The following PSAT1 variants were observed in gnomAD, a reference collection of about 807,000 sequenced individuals.
PSAT1 encodes the protein phosphoserine aminotransferase 1, also known as phosphoserine aminotransferase.
In PSAT1, 41 loss-of-function variants were observed where a neutral mutation model predicts 40.3. The ratio of observed to expected loss-of-function variants is 1.02; its 90% CI spans 0.79 to 1.32. PSAT1 has a LOEUF of 1.32. PSAT1 is among the 40% of genes most tolerant of loss of function. The pLI is 0.00. For missense variants in PSAT1, 406 were observed against 455.8 expected (o/e 0.89, Z 0.99); for synonymous variants, 147 against 170.5 (o/e 0.86, Z 1.07).
intron 7 of PSAT1, among the ~76,000 whole-genome samples, chr9:78,324,118 G>A (rs375271328): frequency 9.2e-5 from 14 of 152,168 alleles, no homozygotes; most frequent in Admixed American, 1.3e-4. Context: ...CGAGGGGACT[G>A]TCTGGAACTC....
chr9:78,313,227 G>T (rs1050663301), intron 6 of PSAT1, among the ~76,000 whole-genome samples: 1 of 152,112 alleles, frequency 6.6e-6, no homozygotes, highest in Non-Finnish European at 1.5e-5. Flanking sequence ...TTACCCGGGC[G>T]TAGTGGCGTG....
rs777406765 is a variant in PSAT1 at position 78,328,118 on chromosome 9, G to C, written c.937G>C (p.Asp313His). The C allele has an allele frequency of 3.1e-6, 5 of 1,612,628 alleles. No individual in the cohort carries two copies. The South Asian group carries it at 5.5e-5, about 18-fold the overall frequency. Reference sequence around the variant, plus strand: ...ATTCCGCATTGGCAATGCCAAAGGAGATGATGCTTTAGAAAAAAGATTTCT... The same window carrying C: ...ATTCCGCATTGGCAATGCCAAAGGACATGATGCTTTAGAAAAAAGATTTCT... ...IPFRIGNAKG[D>H]DALEKRFLDK... The change falls in exon 8 of 9, where the codon GAT becomes CAT. Residue 313 changes from aspartate to histidine, a missense_variant. Coordinates refer to ENST00000376588, the MANE Select transcript of PSAT1 (RefSeq NM_058179.4).
intron 1 of PSAT1, chr9:78,298,184 T>A: frequency 3.5e-6 from 1 of 286,582 alleles, no homozygotes; most frequent in Non-Finnish European, 4.9e-6. Flanking sequence ...AAACCCACCG[T>A]CCCCAGCCCC....
chr9:78,321,698 T>A (rs940840269), intron 7 of PSAT1, among the ~76,000 whole-genome samples: 1 of 152,108 alleles, frequency 6.6e-6, no homozygotes, highest in Non-Finnish European at 1.5e-5. Context: ...CATAGCCCAG[T>A]CACCCACACT....
In PSAT1 at chr9:78,320,179, A is replaced by G. The variant is rs533030887; in HGVS notation, c.869+2375A>G. On this transcript the variant is annotated intron_variant, in intron 7 of 8. Transcript: ENST00000376588. Reference sequence around the variant, plus strand: ...CATCCTTCCACCCACCTATTCACCCATCTACCCATTCACCCATCCACCCAT... The same window carrying G: ...CATCCTTCCACCCACCTATTCACCCGTCTACCCATTCACCCATCCACCCAT... 1.6e-4 allele frequency among the ~76,000 whole-genome samples: 24 copies of G among 150,904 alleles called. No homozygotes were observed. The South Asian group carries it at 5.1e-3, about 32-fold the overall frequency.
At chr9:78,312,361 T>C (rs1012779340) in intron 6 of PSAT1, among the ~76,000 whole-genome samples, 1 of 152,148 alleles carries the variant, frequency 6.6e-6, no homozygotes, top group African/African-American at 2.4e-5. Context: ...CTAATAAAAA[T>C]ACAAAACAAA....
At chr9:78,325,845 C>T (rs1279865828) in intron 7 of PSAT1, among the ~76,000 whole-genome samples, 1 of 152,126 alleles carries the variant, frequency 6.6e-6, no homozygotes, top group Non-Finnish European at 1.5e-5. Flanking sequence ...TTTGTGATAT[C>T]TTCTACTTTC....
chr9:78,299,514 C>CT (rs57722137), intron 1 of PSAT1, among the ~76,000 whole-genome samples: 4,637 of 118,428 alleles, frequency 0.039, 226 homozygotes, highest in Non-Finnish European at 0.054. Flanking sequence ...TAATCTAATT[C>CT]TTTTTTTTTT....
At chr9:78,312,566 C>T (rs1281166491) in intron 6 of PSAT1, among the ~76,000 whole-genome samples, 1 of 152,036 alleles carries the variant, frequency 6.6e-6, no homozygotes, top group African/African-American at 2.4e-5. Flanking sequence ...CATGGTGGCA[C>T]ATGCCTGTAA....
chr9:78,318,959 T>C, intron 7 of PSAT1, among the ~76,000 whole-genome samples: 1 of 152,324 alleles, frequency 6.6e-6, no homozygotes. Context: ...CTTAAGGTGG[T>C]TACAGGTATA....
intron 7 of PSAT1, among the ~76,000 whole-genome samples, chr9:78,326,388 A>G (rs1828497623): frequency 1.3e-5 from 2 of 152,092 alleles, no homozygotes; most frequent in Non-Finnish European, 2.9e-5. Context: ...CCAGTGAAAA[A>G]TAATTTTGGC....
At chr9:78,312,005 T>A (rs1828275498) in intron 6 of PSAT1, among the ~76,000 whole-genome samples, 1 of 151,420 alleles carries the variant, frequency 6.6e-6, no homozygotes, top group African/African-American at 2.4e-5. Flanking sequence ...GAACTTTGTA[T>A]CACATAGTAG....
rs1182144804 is a variant in PSAT1, at chr9:78,317,775, G to T, written c.840G>T (p.Glu280Asp). The T allele has an allele frequency of 1.9e-6, 3 of 1,613,188 alleles. No homozygotes were observed. The change falls in exon 7 of 9, where the codon GAG (glutamate) becomes GAT (aspartate). Residue 280 changes from glutamate to aspartate, a missense_variant. Transcript: ENST00000376588. ...LSSIKSQTIY[E>D]IIDNSQGFYV... ...CCATCAAATCTCAAACAATTTATGAGATTATTGATAATTCTCAAGGATTCT... is the reference window on the plus strand; with the variant it reads ...CCATCAAATCTCAAACAATTTATGATATTATTGATAATTCTCAAGGATTCT...
rs180707620 is a variant in PSAT1 at position 78,300,603 on chromosome 9, T to A, written c.62T>A (p.Val21Glu). The A allele has an allele frequency of 6.2e-7, 1 of 1,609,904 alleles. No individual in the cohort carries two copies. Residue 21 changes from valine (V) to glutamate (E), a missense_variant and splice_region_variant, in exon 2 of 9, where the codon GTG becomes GAG. Transcript: ENST00000376588. ...GPGPAKLPHS[V>E]LLEIQKELLD... ...CTATTTTCCTTTATTTTTTTCTAGG[T>A]GTTGTTAGAGATACAAAAGGAATTA...
chr9:78,318,461 T>A (rs1828380543), intron 7 of PSAT1, among the ~76,000 whole-genome samples: 1 of 152,196 alleles, frequency 6.6e-6, no homozygotes, highest in African/African-American at 2.4e-5. Flanking sequence ...ACTTAGTGGC[T>A]CAAAACATCA....
chr9:78,325,742 C>T (rs1445527772), intron 7 of PSAT1, among the ~76,000 whole-genome samples: 1 of 152,212 alleles, frequency 6.6e-6, no homozygotes, highest in Non-Finnish European at 1.5e-5. Context: ...CTCCCCCCAG[C>T]CCCATACTAG....
chr9:78,321,540 C>A (rs192544172), intron 7 of PSAT1, among the ~76,000 whole-genome samples: 14 of 152,326 alleles, frequency 9.2e-5, no homozygotes, highest in African/African-American at 3.4e-4. Flanking sequence ...GATGCACCCC[C>A]TCCCCACTTC....
At chr9:78,299,582 G>A (rs139726707) in intron 1 of PSAT1, among the ~76,000 whole-genome samples, 8 of 137,880 alleles carry the variant, frequency 5.8e-5, no homozygotes, top group Admixed American at 2.5e-4. Flanking sequence ...GCTTGGTCTC[G>A]GCTCACTGAA....
At chr9:78,313,749 A>G (rs1287602672) in intron 6 of PSAT1, among the ~76,000 whole-genome samples, 3 of 151,992 alleles carry the variant, frequency 2.0e-5, no homozygotes, top group Non-Finnish European at 2.9e-5. Context: ...GGCTCAAGTG[A>G]TCCTCCCACC....
Sources: gnomAD v4.1 joint callset for allele counts (sites outside exome capture counted in the v4.1 genomes callset) on GRCh38, gnomAD v4.1.1 for gene constraint, MANE v1.5 for transcripts, NCBI Gene and HGNC (gene_info 2026-07-23, HGNC 2026-07-21) for gene names.